ABCA12: variants seen among roughly 807,000 people sequenced by gnomAD.
ABCA12 encodes ATP binding cassette subfamily A member 12.
A neutral mutation model predicts 293.5 loss-of-function variants in ABCA12; 156 were observed. The observed-to-expected ratio is 0.53, with a 90% CI of 0.47 to 0.61. The LOEUF (loss-of-function observed/expected upper bound fraction) is 0.61, where lower values mean the gene tolerates loss of function less well. Among genes scored for constraint, ABCA12 ranks in the 20% least tolerant of loss-of-function variants. The pLI, the probability that ABCA12 is intolerant of heterozygous loss-of-function variation, is 0.00. For missense variants in ABCA12, 2,797 were observed against 3,090.2 expected, an observed-to-expected ratio of 0.91 and a Z score of 2.25; for synonymous variants, 1,063 against 1,108.0, an observed-to-expected ratio of 0.96 and a Z score of 0.81.
chr2:215,003,136 C>T (rs961534571), intron 20 of ABCA12, among the ~76,000 whole-genome samples: 5 of 152,192 alleles, frequency 3.3e-5, no homozygotes, highest in East Asian at 3.9e-4. Context: ...AAATCATTTA[C>T]GTCCCAGCAG....
At chr2:214,990,661 A>C in intron 24 of ABCA12, 41 bp downstream of exon 24, 1 of 1,592,420 alleles carries the variant, frequency 6.3e-7, no homozygotes, top group Non-Finnish European at 8.6e-7. Context: ...ACAAACAAAA[A>C]TGGGTAATTT....
chr2:214,975,168 T>C (rs1027604259), intron 34 of ABCA12, among the ~76,000 whole-genome samples: 7 of 152,162 alleles, frequency 4.6e-5, no homozygotes, highest in Non-Finnish European at 1.0e-4. Context: ...TTTTGCCACG[T>C]TGGCAGGATG....
Position 215,037,052 on chromosome 2 carries a change from C to A in ABCA12, c.886G>T (p.Val296Leu). ...GCAAAACGTGGATAAACCTTCTGCA[C>A]AACCAGCAGCACACTAAGGAGTCAA... The part of the protein sequence containing the change: ...LRKANSVLLV[V>L]QKVYPRFATN... The change falls in exon 8 of 53, where the codon GTG becomes TTG. Residue 296 changes from valine (V) to leucine (L), a missense_variant. By Grantham distance (32) the Val-to-Leu change is conservative. Coordinates refer to ENST00000272895, the MANE Select transcript of ABCA12 (RefSeq NM_173076.3). 1 of 1,613,776 alleles carries A rather than the reference C, an allele frequency of 6.2e-7. No individual in the cohort carries two copies. Among genetic ancestry groups the A allele is most frequent in the Non-Finnish European group, 8.5e-7 (1 of 1,179,750 alleles).
chr2:214,966,978 G>C (rs563500638), intron 38 of ABCA12, 25 bp from the exon 39 acceptor site: 1 of 1,551,484 alleles, frequency 6.4e-7, no homozygotes, highest in African/African-American at 1.4e-5. Flanking sequence ...AAGAAGGCAA[G>C]ATCAATATTG....
chr2:215,040,588 C>G (rs1701078315), intron 7 of ABCA12, among the ~76,000 whole-genome samples: 1 of 152,128 alleles, frequency 6.6e-6, no homozygotes. Context: ...GTGGACGGAT[C>G]ACCTGAGGTC....
At position 215,004,237 on chromosome 2, in the gene ABCA12, A is replaced by C; in HGVS notation, c.2655T>G (p.Val885=). ...FVKFSVGLDA[V]ELLKQIDELD... ...GTTCATCTATCTGTTTCAATAGTTC[A>C]ACAGCATCGAGTCCCACGGAGAACT... Residue 885 remains valine (V), a synonymous_variant, in exon 20 of 53, where the codon GTT becomes GTG. Transcript: ENST00000272895. 1 of 1,614,026 alleles carries C rather than the reference A, an allele frequency of 6.2e-7. No individual in the cohort carries two copies. Among genetic ancestry groups the C allele is most frequent in the Non-Finnish European group, 8.5e-7 (1 of 1,179,980 alleles).
chr2:214,958,236 T>A (rs1699010876), intron 41 of ABCA12, 41 bp downstream of exon 41: 1 of 1,611,658 alleles, frequency 6.2e-7, no homozygotes, highest in African/African-American at 1.3e-5. Flanking sequence ...CTATCCAAAT[T>A]GATCTTTTAT....
At chr2:215,001,121 G>T in intron 21 of ABCA12, 101 bp from the exon 22 acceptor site, 1 of 1,161,860 alleles carries the variant, frequency 8.6e-7, no homozygotes, top group Non-Finnish European at 1.2e-6. Flanking sequence ...AGTCAATTGA[G>T]TTAGTAATGT....
In ABCA12 at chr2:214,986,568, G is replaced by A. The variant is rs1185677080; in HGVS notation, c.4137C>T (p.Pro1379=). ...YEGHITSLLG[P]NGAGKTTTIS... is the part of the protein sequence containing the mutation. ...TGGTAGTAGTTTTCCCAGCTCCATT[G>A]GGCCCCAGCAATGAAGTAATATGCC... The change falls in exon 28 of 53, where the codon CCC becomes CCT. Residue 1379 remains proline (P), a synonymous_variant. Coordinates refer to ENST00000272895, the MANE Select transcript of ABCA12 (RefSeq NM_173076.3). 6.2e-7 allele frequency: 1 copy of A among 1,613,932 alleles called. No individual in the cohort carries two copies. The highest frequency in any genetic ancestry group is 2.2e-5 in the East Asian group (1 of 44,860).
chr2:214,940,068 T>A (rs1420251975), intron 50 of ABCA12, among the ~76,000 whole-genome samples: 1 of 152,166 alleles, frequency 6.6e-6, no homozygotes, highest in African/African-American at 2.4e-5. Context: ...ACTTCCAGAT[T>A]TTGTCCATTT....
intron 49 of ABCA12, 120 bp from the exon 50 acceptor site, chr2:214,943,137 TTTTC>T (rs755910908): frequency 4.9e-4 from 384 of 783,302 alleles, no homozygotes; most frequent in Middle Eastern, 7.2e-4. Context: ...AGTTTTTTTC[TTTTC>T]TTTGTTATTT....
At chr2:214,944,878 T>TAC in intron 49 of ABCA12, 123 bp downstream of exon 49, 1 of 705,078 alleles carries the variant, frequency 1.4e-6, no homozygotes, top group Non-Finnish European at 2.5e-6. Context: ...TGTGTGTATA[T>TAC]ATATATATAC....
intron 8 of ABCA12, among the ~76,000 whole-genome samples, chr2:215,036,532 A>C (rs1184204933): frequency 6.6e-6 from 1 of 152,210 alleles, no homozygotes; most frequent in East Asian, 1.9e-4. Flanking sequence ...CCAAAGGGAC[A>C]TTTTGTGACT....
chr2:215,077,603 T>C (rs1701858265), intron 2 of ABCA12, among the ~76,000 whole-genome samples: 1 of 152,242 alleles, frequency 6.6e-6, no homozygotes, highest in Non-Finnish European at 1.5e-5. Flanking sequence ...GAGCATCATC[T>C]GCTATTGTGT....
intron 3 of ABCA12, among the ~76,000 whole-genome samples, chr2:215,062,744 T>TAGAGACCAAC: frequency 6.6e-6 from 1 of 152,062 alleles, no homozygotes; most frequent in Non-Finnish European, 1.5e-5. Flanking sequence ...CTTGTCCTTG[T>TAGAGACCAAC]TGGTCTCTAC....
At position 214,964,432 on chromosome 2, in the gene ABCA12, A is replaced by G. The variant is rs181340251; in HGVS notation, c.5884+2416T>C. 2.6e-5 allele frequency among the ~76,000 whole-genome samples: 4 copies of G among 152,336 alleles called. No individual in the cohort carries two copies. The East Asian group carries it at 7.7e-4, about 29-fold the overall frequency. On this transcript the variant is annotated intron_variant, in intron 39 of 52. Coordinates refer to ENST00000272895, the MANE Select transcript of ABCA12 (RefSeq NM_173076.3). Reference sequence around the variant, plus strand: ...TATTCAAATAGGAAGAGAGAAAGTCAAATTATCTTTGTTTGCAGTTGACAT... The same window carrying G: ...TATTCAAATAGGAAGAGAGAAAGTCGAATTATCTTTGTTTGCAGTTGACAT...
In ABCA12 at chr2:214,989,358, A is replaced by G. The variant is rs758102545; in HGVS notation, c.3800T>C (p.Ile1267Thr). ...ILADSFIYFL[I>T]AWYVRNVFPG... ...GAAGACATTCCTGACATACCAAGCAATAAGGAAATAAATGAAAGAGTCAGC... is the reference window on the plus strand; with the variant it reads ...GAAGACATTCCTGACATACCAAGCAGTAAGGAAATAAATGAAAGAGTCAGC... Residue 1267 changes from isoleucine to threonine, a missense_variant, in exon 26 of 53, where the codon ATT (isoleucine) becomes ACT (threonine). By Grantham distance (89) the Ile-to-Thr change is moderately conservative. This residue lies in a region of ABCA12 where 2,130 missense variants were observed against 2,427.0 expected (regional missense o/e 0.88). Transcript: ENST00000272895. 4 of 1,613,516 alleles carry G rather than the reference A, an allele frequency of 2.5e-6. No individual in the cohort carries two copies. The highest frequency in any genetic ancestry group is 3.4e-6 in the Non-Finnish European group (4 of 1,179,876).
At position 215,134,616 on chromosome 2, in the gene ABCA12, T is replaced by TAGAGAG. The variant is rs1212910485; in HGVS notation, c.69+3518_69+3523dup. ...CTCTCTCTCTATATATATATATATA[T>TAGAGAG]AGAGAGAGAGAGAGAGAGAGAGAGA... is the stretch of plus-strand genomic sequence containing the variant. On this transcript the variant is annotated intron_variant, in intron 1 of 52. Transcript: ENST00000272895. 3.6e-4 allele frequency among the ~76,000 whole-genome samples: 29 copies of TAGAGAG among 80,646 alleles called. 3 individuals carry two copies. Among genetic ancestry groups the TAGAGAG allele is most frequent in the African/African-American group, 1.7e-3 (27 of 15,486 alleles). 52.9% of individuals were successfully genotyped at this position (80,646 alleles called of 152,430 possible).
intron 50 of ABCA12, among the ~76,000 whole-genome samples, chr2:214,940,386 T>C (rs562593170): frequency 3.3e-5 from 5 of 152,362 alleles, no homozygotes; most frequent in African/African-American, 9.6e-5. Context: ...CTGAGGATTT[T>C]CACATTGATG....
Sources: allele counts gnomAD v4.1 joint callset (sites outside exome capture counted in the v4.1 genomes callset), GRCh38; gene constraint gnomAD v4.1.1; regional missense constraint gnomAD v4.1.1; transcripts MANE v1.5; gene names NCBI Gene and HGNC (gene_info 2026-07-23, HGNC 2026-07-21).